The following OSBPL10 variants were observed in gnomAD, a reference collection of about 807,000 sequenced individuals.
OSBPL10 encodes oxysterol binding protein like 10, also known as oxysterol-binding protein-related protein 10.
Under a neutral mutation model 81.7 loss-of-function variants are expected in OSBPL10, and 49 were observed. That is an observed-to-expected ratio of 0.60 (90% CI 0.48 to 0.76). The LOEUF (loss-of-function observed/expected upper bound fraction) is 0.76, where lower values mean the gene tolerates loss of function less well. Ranked by LOEUF, OSBPL10 falls within the 30% of genes least tolerant of loss-of-function variation. The pLI, the probability that OSBPL10 is intolerant of heterozygous loss-of-function variation, is 0.00. For missense variants in OSBPL10, 923 were observed against 987.8 expected (o/e 0.93, Z 0.88); for synonymous variants, 419 against 383.6 (o/e 1.09, Z -1.08).
chr3:31,788,370 G>A (rs1002344470), intron 4 of OSBPL10, among the ~76,000 whole-genome samples: 1 of 152,178 alleles, frequency 6.6e-6, no homozygotes, highest in Non-Finnish European at 1.5e-5. Flanking sequence ...AGAAATGATA[G>A]AAGCCTCATT....
intron 3 of OSBPL10, among the ~76,000 whole-genome samples, chr3:31,863,662 A>G (rs1340597042): frequency 6.6e-6 from 1 of 152,160 alleles, no homozygotes; most frequent in Admixed American, 6.5e-5. Context: ...ATTTACTATT[A>G]TTTCCTTTTC....
chr3:31,968,511 GAA>G (rs10712976), intron 1 of OSBPL10, among the ~76,000 whole-genome samples: 104 of 130,532 alleles, frequency 8.0e-4, no homozygotes, highest in African/African-American at 1.2e-3. Context: ...TTTTGAAGGG[GAA>G]AAAAAAAAAA....
intron 7 of OSBPL10, among the ~76,000 whole-genome samples, chr3:31,687,338 C>A (rs1700818171): frequency 6.6e-6 from 1 of 151,948 alleles, no homozygotes; most frequent in South Asian, 2.1e-4. Context: ...ATGTTTGTAC[C>A]CAAGATTAAA....
At chr3:31,836,583 A>G (rs540246547) in intron 3 of OSBPL10, among the ~76,000 whole-genome samples, 1 of 130,854 alleles carries the variant, frequency 7.6e-6, no homozygotes, top group African/African-American at 2.9e-5. Context: ...ACTCTTCCTT[A>G]ACAGTTAATT....
intron 2 of OSBPL10, among the ~76,000 whole-genome samples, chr3:32,034,728 T>C (rs1699502347): frequency 6.6e-6 from 1 of 152,230 alleles, no homozygotes; most frequent in African/African-American, 2.4e-5. Context: ...AGTCAAGATA[T>C]TGTATCAGCC....
At chr3:31,827,028 A>T (rs955690591) in intron 4 of OSBPL10, among the ~76,000 whole-genome samples, 14 of 152,154 alleles carry the variant, frequency 9.2e-5, no homozygotes, top group African/African-American at 3.4e-4. Flanking sequence ...ATATACTGTC[A>T]CCCAAGAGTA....
intron 1 of OSBPL10, among the ~76,000 whole-genome samples, chr3:31,889,375 A>G (rs753132661): frequency 7.2e-5 from 11 of 152,336 alleles, no homozygotes; most frequent in Middle Eastern, 3.4e-3. Context: ...ACTATTCACA[A>G]TAGCCAAGAT....
chr3:31,699,333 G>A (rs1462527214), intron 7 of OSBPL10, among the ~76,000 whole-genome samples: 1 of 152,150 alleles, frequency 6.6e-6, no homozygotes, highest in Non-Finnish European at 1.5e-5. Flanking sequence ...CAGGTTCAAT[G>A]GAGCCACTCA....
intron 1 of OSBPL10, among the ~76,000 whole-genome samples, chr3:31,905,805 TAA>T (rs1400905368): frequency 1.3e-5 from 2 of 149,146 alleles, no homozygotes; most frequent in African/African-American, 2.5e-5. Flanking sequence ...AAAAAAAATA[TAA>T]GACTTCTTAG....
At chr3:31,959,598 G>C (rs1420756420) in intron 1 of OSBPL10, among the ~76,000 whole-genome samples, 2 of 152,176 alleles carry the variant, frequency 1.3e-5, no homozygotes, top group Non-Finnish European at 2.9e-5. Flanking sequence ...TAGATAATGA[G>C]AAGCCAGCGG....
intron 3 of OSBPL10, among the ~76,000 whole-genome samples, chr3:31,857,479 G>A (rs893788330): frequency 6.6e-6 from 1 of 151,862 alleles, no homozygotes; most frequent in Non-Finnish European, 1.5e-5. Flanking sequence ...GCCTGATGGA[G>A]AGCATCTCCC....
exon 2 of OSBPL10, chr3:32,046,523 A>T (rs1160133948): frequency 2.0e-5 from 3 of 152,356 alleles, no homozygotes; most frequent in African/African-American, 7.2e-5. Context: ...CTCTTCTTGC[A>T]GAATGAGTAG....
intron 1 of OSBPL10, among the ~76,000 whole-genome samples, chr3:32,058,177 G>C (rs1699727037): frequency 6.6e-6 from 1 of 152,154 alleles, no homozygotes; most frequent in Non-Finnish European, 1.5e-5. Context: ...CATGTTTAGG[G>C]ATGAGATGCC....
rs147851299 is a variant in OSBPL10 at position 31,911,663 on chromosome 3, A to C, written c.282-31833T>G. On this transcript the variant is annotated intron_variant, in intron 1 of 11. Transcript: ENST00000396556. ...AACTCATGTTTTAAGAAAAGTTTAC[A>C]AATTTGTTTTGGGCTGCATTCAAAG... 3.2e-3 allele frequency among the ~76,000 whole-genome samples: 492 copies of C among 152,320 alleles called. 4 individuals carry two copies. The highest frequency in any genetic ancestry group is 0.011 in the African/African-American group (470 of 41,582).
At position 31,839,316 on chromosome 3, in the gene OSBPL10, C is replaced by CA. The variant is rs150474081; in HGVS notation, c.538-9086dup. On this transcript the variant is annotated intron_variant, in intron 3 of 11. Coordinates refer to ENST00000396556, the MANE Select transcript of OSBPL10 (RefSeq NM_017784.5). ...CAACCTGGCACAACATCAACTGACT[C>CA]ACATTATTCAGAGATTCAGCAAGTA... 9.8e-3 allele frequency among the ~76,000 whole-genome samples: 1,499 copies of CA among 152,296 alleles called. 24 individuals are homozygous for CA. Among genetic ancestry groups the CA allele is most frequent in the African/African-American group, 0.034 (1,418 of 41,542 alleles).
At chr3:32,039,598 G>A (rs1699551821) in intron 2 of OSBPL10, among the ~76,000 whole-genome samples, 1 of 151,974 alleles carries the variant, frequency 6.6e-6, no homozygotes, top group Non-Finnish European at 1.5e-5. Flanking sequence ...GGCAGAGATT[G>A]CAGTGAGCTG....
chr3:31,952,423 G>T (rs116419177), intron 1 of OSBPL10, among the ~76,000 whole-genome samples: 52 of 152,058 alleles, frequency 3.4e-4, no homozygotes, highest in African/African-American at 1.3e-3. Context: ...ACATCCAGGC[G>T]TATCCCTCGT....
At chr3:32,055,305 G>C (rs2125437205) in intron 1 of OSBPL10, among the ~76,000 whole-genome samples, 1 of 137,444 alleles carries the variant, frequency 7.3e-6, no homozygotes, top group East Asian at 2.4e-4. Context: ...CTGGGTTCCA[G>C]TGATTCTCCT....
intron 2 of OSBPL10, among the ~76,000 whole-genome samples, chr3:31,996,231 A>G (rs975675876): frequency 6.6e-6 from 1 of 152,210 alleles, no homozygotes; most frequent in African/African-American, 2.4e-5. Context: ...TAAAAGGGGG[A>G]AAATACAATT....
Sources: gnomAD v4.1 joint callset for allele counts (sites outside exome capture counted in the v4.1 genomes callset) on GRCh38, gnomAD v4.1.1 for gene constraint, MANE v1.5 for transcripts, NCBI Gene and HGNC (gene_info 2026-07-23, HGNC 2026-07-21) for gene names.